Variants in NRXN1 observed in about 807,000 individuals in gnomAD.
NRXN1 encodes the protein neurexin 1.
In NRXN1, 39 loss-of-function variants were observed where a neutral mutation model predicts 150.9. The observed-to-expected ratio is 0.26, with a 90% CI of 0.20 to 0.34. The LOEUF (loss-of-function observed/expected upper bound fraction) is 0.34. Ranked by LOEUF, NRXN1 falls within the 10% of genes least tolerant of loss-of-function variation. The probability of loss-of-function intolerance (pLI) is 1.00; values close to 1 mark genes in which losing one functional copy is unlikely to be tolerated. For missense variants in NRXN1, 1,815 were observed against 1,949.9 expected (o/e 0.93, Z 1.30); for synonymous variants, 924 against 757.0 (o/e 1.22, Z -3.62).
Position 50,240,013 on chromosome 2 carries a change from G to C in NRXN1, c.3365-3043C>G, listed in dbSNP as rs559467326. Among the ~76,000 whole-genome samples, 3 of 151,442 alleles carry C rather than the reference G, an allele frequency of 2.0e-5. No homozygotes were observed. The South Asian group carries it at 6.2e-4, about 31-fold the overall frequency. On this transcript the variant is annotated intron_variant, in intron 17 of 22. Transcript: ENST00000401669. ...AGTTTCTAGCACAATTATAGAACTT[G>C]TGGGTAATAATTTGAAGTTTTACAC...
chr2:50,520,374 G>A (rs1041748762), intron 12 of NRXN1, among the ~76,000 whole-genome samples: 1 of 151,276 alleles, frequency 6.6e-6, no homozygotes, highest in Non-Finnish European at 1.5e-5. Context: ...GGTGGGATTG[G>A]TTTAAATTAT....
intron 5 of NRXN1, among the ~76,000 whole-genome samples, chr2:50,828,366 G>C (rs1208638502): frequency 6.7e-6 from 1 of 149,308 alleles, no homozygotes; most frequent in Admixed American, 6.6e-5. Flanking sequence ...GGCCTGGCGG[G>C]GGCTGACCCC....
intron 5 of NRXN1, among the ~76,000 whole-genome samples, chr2:50,746,663 T>G (rs1217377391): frequency 6.6e-6 from 1 of 152,160 alleles, no homozygotes; most frequent in Non-Finnish European, 1.5e-5. Flanking sequence ...ACTCAGAGAC[T>G]GGGGGCTGCT....
chr2:50,326,795 A>T (rs1374197146), intron 17 of NRXN1, among the ~76,000 whole-genome samples: 1 of 152,144 alleles, frequency 6.6e-6, no homozygotes, highest in Non-Finnish European at 1.5e-5. Flanking sequence ...TTGCTAAGGG[A>T]CTTCAGCTAG....
intron 5 of NRXN1, among the ~76,000 whole-genome samples, chr2:50,810,939 C>A (rs1668132868): frequency 6.6e-6 from 1 of 151,562 alleles, no homozygotes; most frequent in Non-Finnish European, 1.5e-5. Context: ...GAGATCACAC[C>A]ACTGCACTCC....
At chr2:50,420,688 GA>G (rs903804890) in intron 17 of NRXN1, among the ~76,000 whole-genome samples, 2 of 151,974 alleles carry the variant, frequency 1.3e-5, no homozygotes, top group African/African-American at 4.8e-5. Flanking sequence ...TACAGCTCAT[GA>G]AATCCACATA....
At chr2:50,452,071 T>A (rs1319998596) in intron 17 of NRXN1, among the ~76,000 whole-genome samples, 4 of 152,210 alleles carry the variant, frequency 2.6e-5, no homozygotes, top group African/African-American at 9.6e-5. Context: ...TAAGTAGATA[T>A]CTGAAAGAAG....
intron 18 of NRXN1, among the ~76,000 whole-genome samples, chr2:50,093,490 C>A (rs1699846294): frequency 6.8e-6 from 1 of 147,430 alleles, no homozygotes; most frequent in Admixed American, 6.7e-5. Flanking sequence ...AAAAGAAAAT[C>A]TGGGCATGGT....
At chr2:50,912,726 T>C (rs1303293667) in intron 5 of NRXN1, among the ~76,000 whole-genome samples, 1 of 150,108 alleles carries the variant, frequency 6.7e-6, no homozygotes, top group African/African-American at 2.5e-5. Flanking sequence ...ATGGTTCTCC[T>C]ATGGGCTTTC....
intron 17 of NRXN1, among the ~76,000 whole-genome samples, chr2:50,261,463 T>C (rs1168277532): frequency 2.0e-5 from 3 of 151,786 alleles, no homozygotes; most frequent in African/African-American, 4.8e-5. Flanking sequence ...CAATGTAATG[T>C]ATAGCTGACA....
At position 50,217,110 on chromosome 2, in the gene NRXN1, C is replaced by T. The variant is rs1052321938; in HGVS notation, c.3546+19679G>A. Among the ~76,000 whole-genome samples, 5 of 151,962 alleles carry T rather than the reference C, an allele frequency of 3.3e-5. No homozygotes were observed. The East Asian group carries it at 7.8e-4, about 24-fold the overall frequency. ...ATTAATAAGGTAATTATAAAGGAAT[C>T]AGAAATGTTATTGTAGCAAAGCAGA... On this transcript the variant is annotated intron_variant, in intron 18 of 22. Coordinates refer to ENST00000401669, the MANE Select transcript of NRXN1 (RefSeq NM_001330078.2).
intron 2 of NRXN1, among the ~76,000 whole-genome samples, chr2:50,936,936 CT>C (rs1342547458): frequency 1.3e-5 from 2 of 152,054 alleles, no homozygotes; most frequent in Non-Finnish European, 2.9e-5. Context: ...ATTGGAGAAT[CT>C]AGGCATTTCT....
At chr2:50,013,881 T>C (rs1686124659) in intron 21 of NRXN1, among the ~76,000 whole-genome samples, 1 of 152,026 alleles carries the variant, frequency 6.6e-6, no homozygotes, top group Non-Finnish European at 1.5e-5. Context: ...CTAGTTTCAG[T>C]GAATGCCTGA....
intron 18 of NRXN1, among the ~76,000 whole-genome samples, chr2:50,103,628 C>T (rs1386407247): frequency 2.0e-5 from 3 of 151,958 alleles, no homozygotes; most frequent in African/African-American, 7.2e-5. Context: ...AATCGTGAAG[C>T]CAAAAACACG....
In NRXN1 at chr2:49,919,122, A is replaced by C. The variant is rs1050293432; in HGVS notation, c.*2822T>G. On this transcript the variant is annotated 3_prime_UTR_variant, in exon 23 of 23. Transcript: ENST00000401669. ...GCAACACATTACATGGATAAAAAAGAAGCATAATCAATCAGAAAAGTTACA... is the reference window on the plus strand; with the variant it reads ...GCAACACATTACATGGATAAAAAAGCAGCATAATCAATCAGAAAAGTTACA... 2.0e-5 allele frequency: 3 copies of C among 152,134 alleles called. No homozygotes were observed. Among genetic ancestry groups the C allele is most frequent in the African/African-American group, 4.8e-5 (2 of 41,454 alleles). 9.4% of individuals were successfully genotyped at this position (152,134 alleles called of 1,614,324 possible).
At chr2:50,134,611 C>T (rs961670089) in intron 18 of NRXN1, among the ~76,000 whole-genome samples, 2 of 152,098 alleles carry the variant, frequency 1.3e-5, no homozygotes, top group South Asian at 4.1e-4. Context: ...AGGCAGATTC[C>T]CAGCCCCATC....
At chr2:50,395,942 C>A (rs1420302172) in intron 17 of NRXN1, among the ~76,000 whole-genome samples, 1 of 152,134 alleles carries the variant, frequency 6.6e-6, no homozygotes, top group Non-Finnish European at 1.5e-5. Flanking sequence ...TATGTAAATC[C>A]TCTGCTCTGT....
intron 2 of NRXN1, among the ~76,000 whole-genome samples, chr2:50,974,607 A>G (rs999228769): frequency 1.3e-5 from 2 of 152,078 alleles, no homozygotes; most frequent in African/African-American, 2.4e-5. Context: ...TGAACAAGTC[A>G]GCTCTTTATA....
chr2:50,086,699 G>A (rs4641977), intron 19 of NRXN1, among the ~76,000 whole-genome samples: 37,149 of 151,904 alleles, frequency 0.24, 4,959 homozygotes, highest in Admixed American at 0.38. Context: ...TGACTTCTTT[G>A]TTCCTTCCTA....
Sources: gnomAD v4.1 joint callset for allele counts (sites outside exome capture counted in the v4.1 genomes callset) on GRCh38, gnomAD v4.1.1 for gene constraint, MANE v1.5 for transcripts, NCBI Gene and HGNC (gene_info 2026-07-23, HGNC 2026-07-21) for gene names.